Variants in NEB observed in about 807,000 individuals in gnomAD.
NEB encodes the protein nebulin.
Under a neutral mutation model 952.2 loss-of-function variants are expected in NEB, and 512 were observed. That is an observed-to-expected ratio of 0.54 (90% CI 0.50 to 0.58). NEB has a LOEUF of 0.58. Among genes scored for constraint, NEB ranks in the 20% least tolerant of loss-of-function variants. The pLI is 0.00. For synonymous variants in NEB, 2,900 were observed against 3,149.8 expected (o/e 0.92, Z 2.66); for missense variants, 8,428 against 9,231.1 (o/e 0.91, Z 3.56).
chr2:151,709,301 C>G (rs927503594), intron 12 of NEB, among the ~76,000 whole-genome samples: 3 of 152,174 alleles, frequency 2.0e-5, no homozygotes, highest in African/African-American at 2.4e-5. Flanking sequence ...TCCTTCTAAA[C>G]AGCAAAAGGC....
intron 17 of NEB, 148 bp from the exon 18 acceptor site, chr2:151,695,830 C>A (rs1231483229): frequency 9.3e-6 from 6 of 643,558 alleles, no homozygotes; most frequent in Admixed American, 2.6e-5. Flanking sequence ...ATTACTGATC[C>A]TGTGTGCAGG....
At chr2:151,657,397 T>C (rs1357134630) in intron 48 of NEB, among the ~76,000 whole-genome samples, 2 of 152,166 alleles carry the variant, frequency 1.3e-5, no homozygotes, top group African/African-American at 4.8e-5. Context: ...GAGTTTCATA[T>C]AGGTGGCATG....
chr2:151,562,510 G>A, intron 120 of NEB, 101 bp downstream of exon 120: 2 of 1,204,730 alleles, frequency 1.7e-6, no homozygotes, highest in Non-Finnish European at 2.3e-6. Context: ...CAAGATTTAT[G>A]AATACAGGGA....
At chr2:151,617,727 ATT>A (rs572030936) in intron 74 of NEB, among the ~76,000 whole-genome samples, 5 of 146,328 alleles carry the variant, frequency 3.4e-5, no homozygotes, top group African/African-American at 7.5e-5. Context: ...AGCACACAGT[ATT>A]TTTTTTTTTT....
At position 151,570,171 on chromosome 2, in the gene NEB, C is replaced by G; in HGVS notation, c.17340G>C (p.Met5780Ile). The G allele has an allele frequency of 1.2e-6, 2 of 1,613,578 alleles. No individual in the cohort carries two copies. The highest frequency in any genetic ancestry group is 1.7e-6 in the Non-Finnish European group (2 of 1,179,746). The change falls in exon 109 of 182, where the codon ATG (methionine) becomes ATC (isoleucine). Residue 5780 changes from methionine (M) to isoleucine (I), a missense_variant. Coordinates refer to ENST00000397345, the MANE Select transcript of NEB (RefSeq NM_001164508.2). Reference sequence around the variant, plus strand: ...ACTGGTGCAGGTAATTGCGGTAATCCATGTCACTGACCAGAGCCTGGGAAT... The same window carrying G: ...ACTGGTGCAGGTAATTGCGGTAATCGATGTCACTGACCAGAGCCTGGGAAT... Reference protein sequence around the residue: ...SKNSQALVSDMDYRNYLHQWT... With the variant: ...SKNSQALVSDIDYRNYLHQWT...
intron 74 of NEB, among the ~76,000 whole-genome samples, chr2:151,617,938 T>C (rs1362378937): frequency 6.6e-6 from 1 of 152,152 alleles, no homozygotes; most frequent in Admixed American, 6.5e-5. Context: ...CAGGCTCCTG[T>C]AATCCCAGCT....
chr2:151,554,299 A>G (rs2095504153), intron 125 of NEB, among the ~76,000 whole-genome samples: 1 of 152,062 alleles, frequency 6.6e-6, no homozygotes, highest in African/African-American at 2.4e-5. Context: ...GATAACTCAC[A>G]CCTGTAATCC....
chr2:151,712,011 T>C (rs2099746745), intron 10 of NEB, among the ~76,000 whole-genome samples: 1 of 152,194 alleles, frequency 6.6e-6, no homozygotes, highest in Admixed American at 6.5e-5. Context: ...CTAAGACTAC[T>C]TATAGAAATG....
At position 151,610,017 on chromosome 2, in the gene NEB, AT is replaced by A. The variant is rs1395388231; in HGVS notation, c.12121del (p.Ile4041PhefsTer25). The A allele has an allele frequency of 6.2e-7, 1 of 1,613,492 alleles. No homozygotes were observed. The highest frequency in any genetic ancestry group is 1.7e-5 in the Admixed American group (1 of 59,956). On this transcript the variant is annotated frameshift_variant, in exon 81 of 182. Coordinates refer to ENST00000397345, the MANE Select transcript of NEB (RefSeq NM_001164508.2). LOFTEE classifies it high-confidence loss of function. ...KIMCAIHAGK[I>X]QSEREYKKEF... ...CTTCTTGTACTCCCTTTCACTTTGA[AT>A]TTTTCCTGCATGTATGGCACACATA...
rs1293462099 is a variant in NEB, at chr2:151,499,338, T to G, written c.24074A>C (p.Glu8025Ala). Residue 8025 changes from glutamate (E) to alanine (A), a missense_variant, in exon 169 of 182, where the codon GAG (glutamate) becomes GCG (alanine). This residue lies in a region of NEB where 3,374 missense variants were observed against 3,651.5 expected (regional missense o/e 0.92). Transcript: ENST00000397345. Reference sequence around the variant, plus strand: ...TTGATTGTGTTTGACTCTCTCCATCTCTGGAGTGATGGGGATTGGAATCCC... The same window carrying G: ...TTGATTGTGTTTGACTCTCTCCATCGCTGGAGTGATGGGGATTGGAATCCC... ...GKGIPIPITP[E>A]MERVKHNQEN... 1 of 1,545,830 alleles carries G rather than the reference T, an allele frequency of 6.5e-7. No homozygotes were observed. Among genetic ancestry groups the G allele is most frequent in the Non-Finnish European group, 8.7e-7 (1 of 1,143,106 alleles).
intron 124 of NEB, 82 bp downstream of exon 124, chr2:151,560,510 A>AG: frequency 9.0e-7 from 1 of 1,112,922 alleles, no homozygotes; most frequent in Non-Finnish European, 1.3e-6. Flanking sequence ...ACAACGTATG[A>AG]ATCAGCCTGA....
intron 181 of NEB, among the ~76,000 whole-genome samples, 190 bp downstream of exon 181, chr2:151,489,781 A>T (rs1209482192): frequency 6.6e-6 from 1 of 152,112 alleles, no homozygotes; most frequent in Non-Finnish European, 1.5e-5. Context: ...TTATTGAATA[A>T]TGCTTTTCAT....
intron 124 of NEB, 54 bp downstream of exon 124, chr2:151,560,538 G>A (rs1404645473): frequency 3.0e-6 from 4 of 1,337,018 alleles, no homozygotes; most frequent in East Asian, 2.5e-5. Context: ...TTGGAGTGGA[G>A]AGCAGGGGAG....
At chr2:151,611,600 T>A (rs574906895) in intron 78 of NEB, among the ~76,000 whole-genome samples, 1 of 152,316 alleles carries the variant, frequency 6.6e-6, no homozygotes, top group East Asian at 1.9e-4. Context: ...AAAATATGCA[T>A]ATTAAGGGCT....
intron 39 of NEB, 35 bp downstream of exon 39, chr2:151,668,992 G>T: frequency 7.0e-7 from 1 of 1,423,912 alleles, no homozygotes; most frequent in Non-Finnish European, 9.7e-7. Flanking sequence ...GGAGAGGCCC[G>T]CATACGCAAT....
In NEB at chr2:151,594,237, A is replaced by G; in HGVS notation, c.14287T>C (p.Trp4763Arg). ...RTLQDDPKSV[W>R]AIHAAKIQSD... is the part of the protein sequence containing the mutation. ...TGGATCTTGGCAGCATGTATAGCCC[A>G]TACTGACTTGGGGTCATCTTGTAGG... Residue 4763 changes from tryptophan to arginine, a missense_variant, in exon 93 of 182, where the codon TGG (tryptophan) becomes CGG (arginine). By Grantham distance (101) the Trp-to-Arg change is moderately radical (BLOSUM62 -3). Around this residue, in one of 11 missense-constraint regions of NEB, gnomAD observed 5 missense variants for 203.8 expected, o/e 0.02. Coordinates refer to ENST00000397345, the MANE Select transcript of NEB (RefSeq NM_001164508.2). The G allele has an allele frequency of 8.7e-7, 1 of 1,151,524 alleles. No individual in the cohort carries two copies. Among genetic ancestry groups the G allele is most frequent in the Non-Finnish European group, 1.2e-6 (1 of 820,938 alleles). 71.3% of individuals were successfully genotyped at this position (1,151,524 alleles called of 1,614,324 possible). A position where few individuals can be genotyped will look rare whatever the true frequency, so the allele number is the denominator to read the frequency against.
At chr2:151,717,571 C>A in intron 9 of NEB, 51 bp from the exon 10 acceptor site, 1 of 1,353,006 alleles carries the variant, frequency 7.4e-7, no homozygotes, top group Non-Finnish European at 1.1e-6. Context: ...ATGCTTTCAT[C>A]TTTATTTGAA....
intron 145 of NEB, 98 bp from the exon 146 acceptor site, chr2:151,529,412 A>T: frequency 1.3e-6 from 1 of 787,986 alleles, no homozygotes; most frequent in Non-Finnish European, 2.2e-6. Context: ...ACTATAGTAC[A>T]CAATGCTCCT....
rs1049328737 is a variant in NEB at position 151,563,164 on chromosome 2, A to AAT, written c.18694-357_18694-356insAT. On this transcript the variant is annotated intron_variant, in intron 119 of 181. Transcript: ENST00000397345. Reference sequence around the variant, plus strand: ...AGAGTAACTAGAATTACAGGCATGCACCACCACGCCCAGCTAATTTTTGTA... The same window carrying AAT: ...AGAGTAACTAGAATTACAGGCATGCAATCCACCACGCCCAGCTAATTTTTGTA... 3.3e-5 allele frequency among the ~76,000 whole-genome samples: 5 copies of AAT among 151,756 alleles called. 1 individual carries two copies. Among genetic ancestry groups the AAT allele is most frequent in the African/African-American group, 1.2e-4 (5 of 41,338 alleles).
Sources: gnomAD v4.1 joint callset for allele counts (sites outside exome capture counted in the v4.1 genomes callset) on GRCh38, gnomAD v4.1.1 for gene constraint, gnomAD v4.1.1 regional missense constraint, MANE v1.5 for transcripts, NCBI Gene and HGNC (gene_info 2026-07-23, HGNC 2026-07-21) for gene names.